The following SH3GL1 variants were observed in gnomAD, a reference collection of about 807,000 sequenced individuals.
The protein encoded by SH3GL1 is SH3 domain containing GRB2 like 1, endophilin A2.
SH3GL1 carries 21 observed loss-of-function variants against 48.8 expected under a neutral mutation model. The ratio of observed to expected loss-of-function variants is 0.43; its 90% confidence interval spans 0.30 to 0.62. The LOEUF (loss-of-function observed/expected upper bound fraction) is 0.62. Ranked by LOEUF, SH3GL1 falls within the 20% of genes least tolerant of loss-of-function variation. SH3GL1 has a pLI of 0.11. For missense variants in SH3GL1, 454 were observed against 503.0 expected (o/e 0.90, Z 0.93); for synonymous variants, 282 against 217.5 (o/e 1.30, Z -2.61).
rs1338295821 is a variant in SH3GL1, at chr19:4,362,746, G to C, written c.729-10C>G. The C allele has an allele frequency of 6.2e-7, 1 of 1,613,606 alleles. No individual in the cohort carries two copies. The highest frequency in any genetic ancestry group is 8.5e-7 in the Non-Finnish European group (1 of 1,180,026). On this transcript the variant is annotated splice_polypyrimidine_tract_variant and intron_variant, in intron 7 of 9. Coordinates refer to ENST00000269886, the MANE Select transcript of SH3GL1 (RefSeq NM_003025.4). ...GGAAGCTTCCCGCATCCTGTGAAGG[G>C]AGAGGCGTGAGTGGACCGAGCCCGT...
Position 4,400,275 on chromosome 19 carries a change from C to G in SH3GL1, c.45+49G>C. 1 of 1,575,028 alleles carries G rather than the reference C, an allele frequency of 6.3e-7. No homozygotes were observed. The highest frequency in any genetic ancestry group is 1.1e-5 in the South Asian group (1 of 88,036). ...CCAGGTCGGGCCTGGCTCCCTCATCCGGGCAGCCCGGGGCCCGGTACTCGG... is the reference window on the plus strand; with the variant it reads ...CCAGGTCGGGCCTGGCTCCCTCATCGGGGCAGCCCGGGGCCCGGTACTCGG... On this transcript the variant is annotated intron_variant, in intron 1 of 9. Coordinates refer to ENST00000269886, the MANE Select transcript of SH3GL1 (RefSeq NM_003025.4). This position sits in a 1 kb window ranked among gnomAD's most constrained non-coding sequence, Gnocchi z 4.1.
rs766494956 is a variant in SH3GL1 at position 4,364,197 on chromosome 19, T to C, written c.356A>G (p.Glu119Gly). Residue 119 changes from glutamate to glycine, a missense_variant, in exon 5 of 10, where the codon GAG becomes GGG. This residue lies in a region of SH3GL1 where 176 missense variants were observed against 256.2 expected (regional missense o/e 0.69). Transcript: ENST00000269886. ...CACCTCTGCCAGGCGCTTCATGGAC[T>C]CGCCGGCATCCAGCAATGCGTCACC... Reference protein sequence around the residue: ...NFGDALLDAGESMKRLAEVKD... With the variant: ...NFGDALLDAGGSMKRLAEVKD... 8.7e-6 allele frequency: 14 copies of C among 1,613,872 alleles called. No homozygotes were observed. The highest frequency in any genetic ancestry group is 8.5e-7 in the Non-Finnish European group (1 of 1,180,034).
intron 1 of SH3GL1, among the ~76,000 whole-genome samples, chr19:4,381,756 G>A (rs150950992): frequency 0.01 from 1,331 of 130,578 alleles, 23 homozygotes; most frequent in African/African-American, 0.037. Context: ...GCAGTGGCGC[G>A]ATCTTGGCTC....
intron 1 of SH3GL1, among the ~76,000 whole-genome samples, chr19:4,392,300 G>A (rs1270225971): frequency 6.6e-6 from 1 of 152,088 alleles, no homozygotes; most frequent in Non-Finnish European, 1.5e-5. Context: ...GCAAGGCAGG[G>A]AGATCACTAG....
Position 4,367,817 on chromosome 19 carries a change from T to C in SH3GL1, c.46-823A>G, listed in dbSNP as rs556696373. 2.3e-3 allele frequency among the ~76,000 whole-genome samples: 346 copies of C among 152,330 alleles called. 1 individual carries two copies. The highest frequency in any genetic ancestry group is 8.1e-3 in the African/African-American group (337 of 41,580). On this transcript the variant is annotated intron_variant, in intron 1 of 9. Coordinates refer to ENST00000269886, the MANE Select transcript of SH3GL1 (RefSeq NM_003025.4). The surrounding 1 kb of genome is among the most constrained non-coding windows in gnomAD (Gnocchi z 4.2). ...GAACCACTGAACCCCAGCACCGCTG[T>C]CTGAGCACAGGCGTTGCTTTCTTCA... is the stretch of plus-strand genomic sequence containing the variant.
chr19:4,367,384 T>TG lies in SH3GL1; in HGVS notation c.46-391dup, dbSNP rs1972805846. Among the ~76,000 whole-genome samples, 1 of 151,794 alleles carries TG rather than the reference T, an allele frequency of 6.6e-6. No homozygotes were observed. Among genetic ancestry groups the TG allele is most frequent in the Non-Finnish European group, 1.5e-5 (1 of 67,934 alleles). ...ACAAACATCCCCACAGATAGCAATG[T>TG]GGGGATCTGCCCCCATCCTTGAGTA... On this transcript the variant is annotated intron_variant, in intron 1 of 9. Transcript: ENST00000269886. The surrounding 1 kb of genome is among the most constrained non-coding windows in gnomAD (Gnocchi z 4.2).
At chr19:4,377,903 G>A (rs142737685) in intron 1 of SH3GL1, among the ~76,000 whole-genome samples, 91 of 152,232 alleles carry the variant, frequency 6.0e-4, no homozygotes, top group African/African-American at 2.1e-3. Context: ...GAAGACTCGC[G>A]TTTGGGTCCC....
chr19:4,387,922 C>T (rs1045187449), intron 1 of SH3GL1, among the ~76,000 whole-genome samples: 3 of 152,036 alleles, frequency 2.0e-5, no homozygotes, highest in African/African-American at 4.8e-5. Flanking sequence ...TGCACTGGCG[C>T]GATCTCAGCT....
rs1178214636 is a variant in SH3GL1, at chr19:4,391,973, C to A, written c.45+8351G>T. 2.6e-5 allele frequency among the ~76,000 whole-genome samples: 4 copies of A among 152,368 alleles called. No individual in the cohort carries two copies. In the East Asian group the frequency reaches 5.8e-4, roughly 22 times the overall value. ...GCTTCCTGCAAGAACGGACTTAACTCCATTCCCATCATACGTGGACATCAC... is the reference window on the plus strand; with the variant it reads ...GCTTCCTGCAAGAACGGACTTAACTACATTCCCATCATACGTGGACATCAC... On this transcript the variant is annotated intron_variant, in intron 1 of 9. Coordinates refer to ENST00000269886, the MANE Select transcript of SH3GL1 (RefSeq NM_003025.4).
chr19:4,383,540 G>A (rs369291727), intron 1 of SH3GL1, among the ~76,000 whole-genome samples: 2 of 152,022 alleles, frequency 1.3e-5, no homozygotes, highest in Admixed American at 1.3e-4. Flanking sequence ...TCCTTTATGC[G>A]TATTTCCTTA....
In SH3GL1 at chr19:4,361,503, A is replaced by C; in HGVS notation, c.*97T>G. 1.0e-6 allele frequency: 1 copy of C among 981,810 alleles called. No homozygotes were observed. The highest frequency in any genetic ancestry group is 1.5e-6 in the Non-Finnish European group (1 of 661,444). 60.8% of individuals were successfully genotyped at this position (981,810 alleles called of 1,614,324 possible). On this transcript the variant is annotated 3_prime_UTR_variant, in exon 10 of 10. Coordinates refer to ENST00000269886, the MANE Select transcript of SH3GL1 (RefSeq NM_003025.4). ...GCCCAGGTGGCGCCGGCAGGCTCAG[A>C]CACCGCCCTGGCAGCAGGGGCTCCG...
rs1219488096 is a variant in SH3GL1, at chr19:4,363,798, C to A, written c.546G>T (p.Glu182Asp). 3.1e-6 allele frequency: 5 copies of A among 1,613,798 alleles called. No homozygotes were observed. Among genetic ancestry groups the A allele is most frequent in the Middle Eastern group, 1.7e-4 (1 of 5,784 alleles). Residue 182 changes from glutamate (E) to aspartate (D), a missense_variant, in exon 6 of 10, where the codon GAG (glutamate) becomes GAT (aspartate). Glu to Asp is a conservative substitution (Grantham distance 45). This residue lies in a region of SH3GL1 where 176 missense variants were observed against 256.2 expected (regional missense o/e 0.69). Coordinates refer to ENST00000269886, the MANE Select transcript of SH3GL1 (RefSeq NM_003025.4). ...CGAACTTCTCCAGCGCCTGGCGTAGCTCCTCATCGGGGATCTTGCCCTGCC... is the reference window on the plus strand; with the variant it reads ...CGAACTTCTCCAGCGCCTGGCGTAGATCCTCATCGGGGATCTTGCCCTGCC... ...KKRQGKIPDE[E>D]LRQALEKFEE...
rs761323864 is a variant in SH3GL1, at chr19:4,363,851, G to A, written c.493C>T (p.Arg165Cys). 6 of 1,612,752 alleles carry A rather than the reference G, an allele frequency of 3.7e-6. No homozygotes were observed. Among genetic ancestry groups the A allele is most frequent in the East Asian group, 2.2e-5 (1 of 44,890 alleles). ...TTCTTCTTGTAGTCAAAGTCCAGGC[G>A]GCGGCCCTCCAGTTTCTTCAGGTGG... ...QHHLKKLEGR[R>C]LDFDYKKKRQ... is the part of the protein sequence containing the mutation. Residue 165 changes from arginine to cysteine, a missense_variant, in exon 6 of 10, where the codon CGC becomes TGC. By Grantham distance (180) the Arg-to-Cys change is radical. Transcript: ENST00000269886.
In SH3GL1 at chr19:4,361,317, G is replaced by A. The variant is rs916706805; in HGVS notation, c.*283C>T. On this transcript the variant is annotated 3_prime_UTR_variant, in exon 10 of 10. Coordinates refer to ENST00000269886, the MANE Select transcript of SH3GL1 (RefSeq NM_003025.4). The stretch of plus-strand genomic sequence containing the variant: ...GTTGCCCCGCCTCGGCCAGCTGGGC[G>A]AGAAGTTGGGGAGCGGGGGAGGAGG... 4.6e-5 allele frequency: 23 copies of A among 502,298 alleles called. No individual in the cohort carries two copies. Among genetic ancestry groups the A allele is most frequent in the African/African-American group, 1.4e-4 (7 of 51,558 alleles). 31.1% of individuals were successfully genotyped at this position (502,298 alleles called of 1,614,324 possible). A position where few individuals can be genotyped will look rare whatever the true frequency, so the allele number is the denominator to read the frequency against.
chr19:4,364,292 T>C, intron 4 of SH3GL1, 71 bp from the exon 5 acceptor site: 3 of 1,585,464 alleles, frequency 1.9e-6, no homozygotes, highest in South Asian at 1.1e-5. Context: ...TCCTCAGCCT[T>C]TGTTTTTGAA....
chr19:4,399,319 C>CAAAAAAAAAAAAAAA (rs58263818), intron 1 of SH3GL1, among the ~76,000 whole-genome samples: 1 of 49,626 alleles, frequency 2.0e-5, no homozygotes, highest in Non-Finnish European at 3.5e-5. Context: ...GACTCCCTCT[C>CAAAAAAAAAAAAAAA]AAAAAAAAAA....
At chr19:4,384,719 T>A (rs1973203133) in intron 1 of SH3GL1, among the ~76,000 whole-genome samples, 1 of 152,082 alleles carries the variant, frequency 6.6e-6, no homozygotes, top group African/African-American at 2.4e-5. Context: ...AGACACACTG[T>A]GGAATAACCA....
At chr19:4,385,584 C>T (rs978820435) in intron 1 of SH3GL1, among the ~76,000 whole-genome samples, 5 of 152,200 alleles carry the variant, frequency 3.3e-5, no homozygotes, top group African/African-American at 9.7e-5. Context: ...AAGACCCTCC[C>T]TGGCTGTGCA....
At position 4,361,663 on chromosome 19, in the gene SH3GL1, C is replaced by T; in HGVS notation, c.1044G>A (p.Leu348=). 6.2e-7 allele frequency: 1 copy of T among 1,612,170 alleles called. No homozygotes were observed. Reference sequence around the variant, plus strand: ...GCGGGAAGAAGCCCGACTGGCCGTCCAGCATGCCCTCGTACCAGTTCTCAT... The same window carrying T: ...GCGGGAAGAAGCCCGACTGGCCGTCTAGCATGCCCTCGTACCAGTTCTCAT... ...QIDENWYEGM[L]DGQSGFFPLS... Residue 348 remains leucine (L), a synonymous_variant, in exon 10 of 10, where the codon CTG becomes CTA. Transcript: ENST00000269886.
Sources: gnomAD v4.1 joint callset for allele counts (sites outside exome capture counted in the v4.1 genomes callset) on GRCh38, gnomAD v4.1.1 for gene constraint, gnomAD v4.1.1 regional missense constraint, Gnocchi (gnomAD v3.1) non-coding constraint, MANE v1.5 for transcripts, NCBI Gene and HGNC (gene_info 2026-07-23, HGNC 2026-07-21) for gene names.